Variants in RALGPS1 observed in about 807,000 individuals in gnomAD.
RALGPS1 encodes Ral GEF with PH domain and SH3 binding motif 1.
Under a neutral mutation model 78.8 loss-of-function variants are expected in RALGPS1, and 19 were observed. The observed-to-expected ratio is 0.24, with a 90% CI of 0.17 to 0.35. The LOEUF (loss-of-function observed/expected upper bound fraction) is 0.35. Among genes scored for constraint, RALGPS1 ranks in the 10% least tolerant of loss-of-function variants. The pLI is 1.00. For synonymous variants in RALGPS1, 228 were observed against 256.3 expected, an observed-to-expected ratio of 0.89 and a Z score of 1.06; for missense variants, 454 against 688.3, an observed-to-expected ratio of 0.66 and a Z score of 3.81.
At chr9:127,178,013 A>G in intron 11 of RALGPS1, 1 of 1,526,148 alleles carries the variant, frequency 6.6e-7, no homozygotes, top group Non-Finnish European at 8.8e-7. Context: ...GAACCAATAA[A>G]GCATGGCGAG....
chr9:127,088,999 G>T (rs1274768812), intron 8 of RALGPS1: 2 of 1,614,092 alleles, frequency 1.2e-6, no homozygotes, highest in African/African-American at 1.3e-5. Context: ...GTGAGTAAGA[G>T]CCTCCTCGGA....
Position 127,212,552 on chromosome 9 carries a change from G to A in RALGPS1, c.1354-75G>A. 1.9e-6 allele frequency: 2 copies of A among 1,057,146 alleles called. No homozygotes were observed. The highest frequency in any genetic ancestry group is 2.8e-6 in the Non-Finnish European group (2 of 717,512). The allele number at this position is 1,057,146 out of a possible 1,614,324, so 65.5% of individuals were successfully genotyped here. A position where few individuals can be genotyped will look rare whatever the true frequency, so the allele number is the denominator to read the frequency against. On this transcript the variant is annotated intron_variant, in intron 15 of 18. Transcript: ENST00000259351. The surrounding 1 kb of genome is among the most constrained non-coding windows in gnomAD (Gnocchi z 6.0). ...CTGCACTGGCATTGATGGGATGGCT[G>A]GGTCTGTAATCGGCCAGGGATCCTC...
chr9:127,135,938 C>CA (rs1453599353), intron 8 of RALGPS1, among the ~76,000 whole-genome samples: 1 of 152,182 alleles, frequency 6.6e-6, no homozygotes, highest in African/African-American at 2.4e-5. Flanking sequence ...AAAGTGACTG[C>CA]AAAGTTACAG....
chr9:127,077,718 G>A (rs2050799910), intron 8 of RALGPS1, among the ~76,000 whole-genome samples: 1 of 151,734 alleles, frequency 6.6e-6, no homozygotes, highest in East Asian at 1.9e-4. Context: ...CCCTCCCCAC[G>A]TTTCCAAGGT....
chr9:127,197,589 A>AAT (rs1433376772), intron 13 of RALGPS1, among the ~76,000 whole-genome samples: 1 of 152,152 alleles, frequency 6.6e-6, no homozygotes, highest in East Asian at 1.9e-4. Flanking sequence ...GGGCATGGGC[A>AAT]ATATCAGTCC....
chr9:127,180,902 G>A (rs2060175186), intron 11 of RALGPS1, among the ~76,000 whole-genome samples: 1 of 152,246 alleles, frequency 6.6e-6, no homozygotes, highest in Non-Finnish European at 1.5e-5. Context: ...ACAAGCGGGG[G>A]GCGCAGAACA....
intron 11 of RALGPS1, among the ~76,000 whole-genome samples, chr9:127,175,148 G>T (rs1021524036): frequency 6.6e-6 from 1 of 152,260 alleles, no homozygotes; most frequent in South Asian, 2.1e-4. Flanking sequence ...GGGTTTATGT[G>T]CCCTGGAGGG....
At chr9:127,021,578 A>G (rs1383731895) in intron 4 of RALGPS1, among the ~76,000 whole-genome samples, 3 of 151,040 alleles carry the variant, frequency 2.0e-5, no homozygotes, top group African/African-American at 7.3e-5. Flanking sequence ...TCTGTAATGA[A>G]CATGTATTAG....
intron 1 of RALGPS1, among the ~76,000 whole-genome samples, chr9:126,927,914 G>A (rs1369184688): frequency 6.6e-6 from 1 of 152,182 alleles, no homozygotes; most frequent in Non-Finnish European, 1.5e-5. Flanking sequence ...ACTTGGGGTT[G>A]GGGTGCATCC....
At chr9:127,144,173 T>TCCCTGGCTCAGATCCTTGGCTGTC (rs1469871404) in intron 8 of RALGPS1, among the ~76,000 whole-genome samples, 1 of 152,212 alleles carries the variant, frequency 6.6e-6, no homozygotes, top group African/African-American at 2.4e-5. Flanking sequence ...TGGAGCTGCT[T>TCCCTGGCTCAGATCCTTGGCTGTC]CCCTGGCTCA....
At chr9:127,151,533 GTGGAGTGTATAATTC>G (rs1396173803) in intron 8 of RALGPS1, among the ~76,000 whole-genome samples, 1 of 152,228 alleles carries the variant, frequency 6.6e-6, no homozygotes, top group Non-Finnish European at 1.5e-5. Flanking sequence ...AGCTGGTCTG[GTGGAGTGTATAATTC>G]AATTACAGCG....
At chr9:127,161,002 C>T (rs1445408933) in intron 8 of RALGPS1, among the ~76,000 whole-genome samples, 1 of 152,244 alleles carries the variant, frequency 6.6e-6, no homozygotes, top group Admixed American at 6.5e-5. Flanking sequence ...CTTGCCTGGT[C>T]CCTGGCACTG....
chr9:127,075,986 T>G (rs2050644793), intron 8 of RALGPS1, among the ~76,000 whole-genome samples: 1 of 152,238 alleles, frequency 6.6e-6, no homozygotes, highest in East Asian at 1.9e-4. Context: ...TTTGGTGTAG[T>G]GAGTTCCTGA....
At chr9:127,064,804 A>T (rs537843056) in intron 7 of RALGPS1, among the ~76,000 whole-genome samples, 2 of 152,336 alleles carry the variant, frequency 1.3e-5, no homozygotes, top group East Asian at 3.9e-4. Context: ...GTCACTATAT[A>T]GTCAAGTAGT....
chr9:127,041,591 A>C (rs2047328458), intron 5 of RALGPS1, among the ~76,000 whole-genome samples: 1 of 152,206 alleles, frequency 6.6e-6, no homozygotes, highest in South Asian at 2.1e-4. Flanking sequence ...CCACTCTTGG[A>C]CAGTTACGTC....
chr9:127,166,429 G>A (rs1390413460), intron 9 of RALGPS1, among the ~76,000 whole-genome samples: 1 of 152,224 alleles, frequency 6.6e-6, no homozygotes, highest in Non-Finnish European at 1.5e-5. Context: ...AATTGAGGCT[G>A]AAAACAGTTT....
At chr9:127,054,942 C>T (rs1757240065) in intron 7 of RALGPS1, among the ~76,000 whole-genome samples, 1 of 151,622 alleles carries the variant, frequency 6.6e-6, no homozygotes, top group Non-Finnish European at 1.5e-5. Context: ...TATGCCACTG[C>T]CCTCCAGGTT....
intron 8 of RALGPS1, chr9:127,088,742 G>A: frequency 1.6e-6 from 1 of 634,730 alleles, no homozygotes; most frequent in Non-Finnish European, 2.8e-6. Flanking sequence ...CTGGTGTGAA[G>A]GAAAGTAGGA....
chr9:127,045,796 C>A (rs927383055), intron 5 of RALGPS1, among the ~76,000 whole-genome samples: 3 of 141,834 alleles, frequency 2.1e-5, no homozygotes, highest in East Asian at 2.1e-4. Context: ...CACACACACA[C>A]AATTTCTTGG....
Sources: gnomAD v4.1 joint callset for allele counts (sites outside exome capture counted in the v4.1 genomes callset) on GRCh38, gnomAD v4.1.1 for gene constraint, Gnocchi (gnomAD v3.1) non-coding constraint, MANE v1.5 for transcripts, NCBI Gene and HGNC (gene_info 2026-07-23, HGNC 2026-07-21) for gene names.